CDH13: variants seen among roughly 807,000 people sequenced by gnomAD.
CDH13 encodes the protein cadherin 13.
Under a neutral mutation model 63.8 loss-of-function variants are expected in CDH13, and 24 were observed. The observed-to-expected ratio is 0.38, with a 90% CI of 0.27 to 0.53. The LOEUF is 0.53. CDH13 is among the 20% of genes least tolerant of loss of function. The pLI is 0.85. For missense variants in CDH13, 1,049 were observed against 903.1 expected (o/e 1.16, Z -2.07); for synonymous variants, 503 against 355.3 (o/e 1.42, Z -4.67).
At chr16:82,855,894 C>T (rs1406285110) in intron 1 of CDH13, among the ~76,000 whole-genome samples, 2 of 152,092 alleles carry the variant, frequency 1.3e-5, no homozygotes, top group East Asian at 3.9e-4. Context: ...GCCCTGGTTC[C>T]ACAGCTTCCA....
chr16:83,311,174 A>C (rs1567582841), intron 5 of CDH13, among the ~76,000 whole-genome samples: 2 of 152,216 alleles, frequency 1.3e-5, no homozygotes, highest in African/African-American at 4.8e-5. Context: ...CCTACTTGTC[A>C]TATGAATCAG....
At chr16:83,605,735 G>A (rs558450840) in intron 8 of CDH13, among the ~76,000 whole-genome samples, 1 of 152,322 alleles carries the variant, frequency 6.6e-6, no homozygotes, top group African/African-American at 2.4e-5. Context: ...TGACAGTGAT[G>A]TTTCCAAAAT....
chr16:82,806,907 A>G (rs1384354378), intron 1 of CDH13, among the ~76,000 whole-genome samples: 1 of 152,208 alleles, frequency 6.6e-6, no homozygotes, highest in Non-Finnish European at 1.5e-5. Context: ...ATGCTCTAGC[A>G]TATTCCAGCA....
At chr16:83,168,889 T>C (rs2037803516) in intron 4 of CDH13, among the ~76,000 whole-genome samples, 1 of 152,130 alleles carries the variant, frequency 6.6e-6, no homozygotes, top group South Asian at 2.1e-4. Context: ...TCATGGACTC[T>C]CAATTTATTG....
intron 2 of CDH13, among the ~76,000 whole-genome samples, chr16:82,865,217 C>G (rs757822641): frequency 5.3e-5 from 8 of 152,206 alleles, no homozygotes; most frequent in Non-Finnish European, 1.2e-4. Flanking sequence ...GTCAATGGAT[C>G]TACCATTCTG....
chr16:82,654,973 C>T (rs1175518776), intron 1 of CDH13, among the ~76,000 whole-genome samples: 6 of 152,158 alleles, frequency 3.9e-5, no homozygotes, highest in Admixed American at 6.5e-5. Flanking sequence ...AACTGTGGAG[C>T]TGGTGGTCCC....
chr16:82,801,260 G>A (rs1232196876), intron 1 of CDH13, among the ~76,000 whole-genome samples: 1 of 152,144 alleles, frequency 6.6e-6, no homozygotes, highest in Admixed American at 6.5e-5. Flanking sequence ...TTCCCACTCT[G>A]CTATCAGCCT....
intron 5 of CDH13, among the ~76,000 whole-genome samples, chr16:83,276,824 C>G (rs113356702): frequency 6.6e-6 from 1 of 152,110 alleles, no homozygotes; most frequent in South Asian, 2.1e-4. Context: ...GAGCCAAGAT[C>G]AGGCCACTGC....
At chr16:83,557,634 A>G (rs79793680) in intron 7 of CDH13, among the ~76,000 whole-genome samples, 4,750 of 152,230 alleles carry the variant, frequency 0.031, 158 homozygotes, top group African/African-American at 0.079. Flanking sequence ...GCCCTTTGTT[A>G]TAGGAAATGC....
At chr16:83,668,542 A>G (rs147086564) in intron 8 of CDH13, among the ~76,000 whole-genome samples, 1 of 152,314 alleles carries the variant, frequency 6.6e-6, no homozygotes, top group East Asian at 1.9e-4. Flanking sequence ...TGTCAGAAGA[A>G]CCACAAGGAC....
At chr16:83,053,538 T>C (rs1002578887) in intron 3 of CDH13, among the ~76,000 whole-genome samples, 2 of 152,108 alleles carry the variant, frequency 1.3e-5, no homozygotes, top group Non-Finnish European at 2.9e-5. Flanking sequence ...TGAAAACAGA[T>C]TGGCTGAATT....
At position 83,754,670 on chromosome 16, in the gene CDH13, G is replaced by A. The variant is rs557422877; in HGVS notation, c.1681+6420G>A. 2.0e-4 allele frequency among the ~76,000 whole-genome samples: 30 copies of A among 152,198 alleles called. No individual in the cohort carries two copies. In the Middle Eastern group the frequency reaches 0.01, roughly 52 times the overall value. ...TTTTATCAGGGGTTTCCACTTTTGC[G>A]TCTTCCTCATTCTCTCTTTGCCTGC... On this transcript the variant is annotated intron_variant, in intron 11 of 13. Coordinates refer to ENST00000567109, the MANE Select transcript of CDH13 (RefSeq NM_001257.5).
At position 83,168,179 on chromosome 16, in the gene CDH13, C is replaced by T. The variant is rs1247306480; in HGVS notation, c.483+42678C>T. Among the ~76,000 whole-genome samples, 4 of 151,914 alleles carry T rather than the reference C, an allele frequency of 2.6e-5. No homozygotes were observed. In the East Asian group the frequency reaches 5.8e-4, roughly 22 times the overall value. On this transcript the variant is annotated intron_variant, in intron 4 of 13. Coordinates refer to ENST00000567109, the MANE Select transcript of CDH13 (RefSeq NM_001257.5). ...TAGGTAACAAACCTGCACTTGTACCCGCTGAATCTAAAACGAAAGTTGAAA... is the reference window on the plus strand; with the variant it reads ...TAGGTAACAAACCTGCACTTGTACCTGCTGAATCTAAAACGAAAGTTGAAA...
chr16:83,761,095 A>G (rs1364703850), intron 11 of CDH13, among the ~76,000 whole-genome samples: 1 of 152,236 alleles, frequency 6.6e-6, no homozygotes, highest in African/African-American at 2.4e-5. Context: ...GTAGCAAACG[A>G]TAACTTTCCT....
At chr16:83,722,206 A>G (rs891455754) in intron 10 of CDH13, among the ~76,000 whole-genome samples, 1 of 152,132 alleles carries the variant, frequency 6.6e-6, no homozygotes, top group African/African-American at 2.4e-5. Context: ...TGGCTACACA[A>G]TCTCTCTGAG....
intron 10 of CDH13, among the ~76,000 whole-genome samples, chr16:83,723,601 G>A (rs1035925820): frequency 2.0e-5 from 3 of 152,138 alleles, no homozygotes; most frequent in African/African-American, 7.2e-5. Context: ...CCTCAACTCT[G>A]CCCACCTGTC....
At chr16:82,948,525 G>C (rs886319315) in intron 2 of CDH13, among the ~76,000 whole-genome samples, 2 of 152,088 alleles carry the variant, frequency 1.3e-5, no homozygotes, top group African/African-American at 2.4e-5. Flanking sequence ...ATCATTATTT[G>C]GGAACAATCA....
At chr16:82,869,198 C>T (rs538916044) in intron 2 of CDH13, among the ~76,000 whole-genome samples, 2 of 152,138 alleles carry the variant, frequency 1.3e-5, no homozygotes, top group South Asian at 2.1e-4. Flanking sequence ...AGAAGTGCAC[C>T]ACCACGCCTG....
intron 5 of CDH13, among the ~76,000 whole-genome samples, chr16:83,320,113 C>T (rs1461555710): frequency 6.6e-6 from 1 of 152,138 alleles, no homozygotes; most frequent in Non-Finnish European, 1.5e-5. Context: ...GATCATGGCT[C>T]ACTGCAGCCT....
Sources: allele counts gnomAD v4.1 joint callset (sites outside exome capture counted in the v4.1 genomes callset), GRCh38; gene constraint gnomAD v4.1.1; transcripts MANE v1.5; gene names NCBI Gene and HGNC (gene_info 2026-07-23, HGNC 2026-07-21).